Variants in UQCC1 observed in about 807,000 individuals in gnomAD.
UQCC1 encodes ubiquinol-cytochrome c reductase complex assembly factor 1.
In UQCC1, 38 loss-of-function variants were observed where a neutral mutation model predicts 48.0. That is an observed-to-expected ratio of 0.79 (90% CI 0.61 to 1.04). The LOEUF (loss-of-function observed/expected upper bound fraction) is 1.04. UQCC1 is among the 50% of genes least tolerant of loss of function. UQCC1 has a pLI of 0.00. For synonymous variants in UQCC1, 111 were observed against 129.2 expected (o/e 0.86, Z 0.95); for missense variants, 368 against 381.8 (o/e 0.96, Z 0.30).
At chr20:35,330,634 A>G (rs921738159) in intron 7 of UQCC1, among the ~76,000 whole-genome samples, 2 of 152,166 alleles carry the variant, frequency 1.3e-5, no homozygotes, top group Non-Finnish European at 2.9e-5. Flanking sequence ...TTTGTCCCCA[A>G]CTACCCTAGT....
intron 4 of UQCC1, among the ~76,000 whole-genome samples, chr20:35,377,917 G>T (rs569657213): frequency 6.6e-6 from 1 of 152,216 alleles, no homozygotes; most frequent in African/African-American, 2.4e-5. Flanking sequence ...GCATTTTATA[G>T]TTCTTCACTT....
Position 35,385,248 on chromosome 20 carries a change from C to A in UQCC1, c.130-1115G>T, listed in dbSNP as rs569858569. Among the ~76,000 whole-genome samples, 3 of 152,250 alleles carry A rather than the reference C, an allele frequency of 2.0e-5. No individual in the cohort carries two copies. In the East Asian group the frequency reaches 5.8e-4, roughly 29 times the overall value. Reference sequence around the variant, plus strand: ...AAGTGCCTTTCACAAAATAGGCACTCAATAAATAGCAGAAGTTTCCATCAT... The same window carrying A: ...AAGTGCCTTTCACAAAATAGGCACTAAATAAATAGCAGAAGTTTCCATCAT... On this transcript the variant is annotated intron_variant, in intron 2 of 9. Transcript: ENST00000374385.
At chr20:35,372,825 C>G (rs1011530556) in intron 5 of UQCC1, among the ~76,000 whole-genome samples, 1 of 152,176 alleles carries the variant, frequency 6.6e-6, no homozygotes, top group Admixed American at 6.5e-5. Context: ...GCCAAGATGG[C>G]ACCACTCCAC....
intron 9 of UQCC1, among the ~76,000 whole-genome samples, chr20:35,306,009 A>T (rs1180696746): frequency 6.6e-6 from 1 of 152,208 alleles, no homozygotes; most frequent in Non-Finnish European, 1.5e-5. Context: ...TCTATCAAGT[A>T]TGAGTTTCCC....
At chr20:35,380,826 G>C (rs1402368467) in intron 4 of UQCC1, among the ~76,000 whole-genome samples, 1 of 152,170 alleles carries the variant, frequency 6.6e-6, no homozygotes, top group Non-Finnish European at 1.5e-5. Context: ...GCAGTGTTTT[G>C]AATTTTGGAT....
chr20:35,321,281 T>C lies in UQCC1; in HGVS notation c.574-6516A>G, dbSNP rs73903047. Among the ~76,000 whole-genome samples, 326 of 138,962 alleles carry C rather than the reference T, an allele frequency of 2.3e-3. 1 individual carries two copies. The highest frequency in any genetic ancestry group is 9.1e-3 in the African/African-American group (301 of 33,060). 91.2% of individuals were successfully genotyped at this position (138,962 alleles called of 152,430 possible). A position where few individuals can be genotyped will look rare whatever the true frequency, so the allele number is the denominator to read the frequency against. On this transcript the variant is annotated intron_variant, in intron 7 of 9. Coordinates refer to ENST00000374385, the MANE Select transcript of UQCC1 (RefSeq NM_018244.5). Reference sequence around the variant, plus strand: ...GTGTGTGTGTGTGTGTGTGTGTGTGTGTGCGCGCGCGCGCGCGCACGCTCA... The same window carrying C: ...GTGTGTGTGTGTGTGTGTGTGTGTGCGTGCGCGCGCGCGCGCGCACGCTCA...
At chr20:35,383,233 T>C (rs1354190639) in intron 3 of UQCC1, among the ~76,000 whole-genome samples, 1 of 152,226 alleles carries the variant, frequency 6.6e-6, no homozygotes, top group Non-Finnish European at 1.5e-5. Context: ...AAGGAAAGTC[T>C]GTTCTAATGT....
intron 1 of UQCC1, among the ~76,000 whole-genome samples, chr20:35,402,450 C>T (rs2062178484): frequency 1.3e-5 from 2 of 151,696 alleles, no homozygotes; most frequent in African/African-American, 4.8e-5. Flanking sequence ...TGGTGGTGGG[C>T]GCCTGTAGTC....
chr20:35,313,677 A>T (rs1014037332), intron 8 of UQCC1, among the ~76,000 whole-genome samples: 1 of 151,766 alleles, frequency 6.6e-6, no homozygotes, highest in Non-Finnish European at 1.5e-5. Context: ...GCAGTGGCGC[A>T]ATCTCAGCTC....
intron 7 of UQCC1, among the ~76,000 whole-genome samples, chr20:35,339,068 T>C (rs546558460): frequency 3.2e-4 from 49 of 150,836 alleles, no homozygotes; most frequent in Non-Finnish European, 6.5e-4. Flanking sequence ...AGGGAACCCA[T>C]GAGGCAGGGC....
intron 5 of UQCC1, among the ~76,000 whole-genome samples, chr20:35,371,290 G>C (rs1237539291): frequency 6.6e-6 from 1 of 150,640 alleles, no homozygotes; most frequent in Non-Finnish European, 1.5e-5. Flanking sequence ...GTTATTTATT[G>C]AATCAAATAT....
intron 1 of UQCC1, among the ~76,000 whole-genome samples, chr20:35,400,210 GC>G (rs2062142966): frequency 6.6e-6 from 1 of 152,026 alleles, no homozygotes; most frequent in South Asian, 2.1e-4. Flanking sequence ...ACAGGCATGA[GC>G]CACCGTGTCG....
At chr20:35,309,371 T>A (rs1288893645) in intron 8 of UQCC1, among the ~76,000 whole-genome samples, 1 of 151,772 alleles carries the variant, frequency 6.6e-6, no homozygotes, top group Non-Finnish European at 1.5e-5. Context: ...AGGTTGAGGA[T>A]ACAGTGAGCT....
intron 4 of UQCC1, among the ~76,000 whole-genome samples, chr20:35,375,947 TAAAAAAAA>T (rs11367331): frequency 1.5e-5 from 1 of 64,734 alleles, no homozygotes; most frequent in African/African-American, 6.7e-5. Context: ...GGACCTTGCC[TAAAAAAAA>T]AAAAAAAAAA....
At position 35,386,263 on chromosome 20, in the gene UQCC1, T is replaced by G. The variant is rs932018299; in HGVS notation, c.130-2130A>C. On this transcript the variant is annotated intron_variant, in intron 2 of 9. Coordinates refer to ENST00000374385, the MANE Select transcript of UQCC1 (RefSeq NM_018244.5). ...AAAAATCTAGTTTCCAAACTCTCAC[T>G]AATGCTATATTACCTTTACAATAAA... 7.2e-6 allele frequency: 3 copies of G among 415,816 alleles called. No individual in the cohort carries two copies. The Admixed American group carries it at 9.8e-5, about 14-fold the overall frequency. The allele number at this position is 415,816 out of a possible 1,614,324, so 25.8% of individuals were successfully genotyped here.
chr20:35,392,221 C>A (rs907373927), intron 2 of UQCC1: 2 of 1,303,642 alleles, frequency 1.5e-6, no homozygotes, highest in Non-Finnish European at 2.0e-6. Context: ...ATCTTCCTCC[C>A]TGTGAGACAT....
Position 35,314,771 on chromosome 20 carries a change from G to T in UQCC1, c.574-6C>A. 1 of 1,577,896 alleles carries T rather than the reference G, an allele frequency of 6.3e-7. No homozygotes were observed. The highest frequency in any genetic ancestry group is 8.7e-7 in the Non-Finnish European group (1 of 1,154,102). On this transcript the variant is annotated splice_polypyrimidine_tract_variant and splice_region_variant and intron_variant, in intron 7 of 9. Transcript: ENST00000374385. ...TTCAGGATATAGGGATTAACCTACA[G>T]AAACAAATGGCAAAAACAAAAGTTT...
At chr20:35,384,966 C>CAAAA (rs57141083) in intron 2 of UQCC1, among the ~76,000 whole-genome samples, 16 of 69,746 alleles carry the variant, frequency 2.3e-4, no homozygotes, top group African/African-American at 8.8e-4. Flanking sequence ...GAATCGGTCT[C>CAAAA]AAAAAAAAAA....
intron 7 of UQCC1, among the ~76,000 whole-genome samples, chr20:35,320,914 A>C (rs181489467): frequency 7.2e-4 from 110 of 152,374 alleles, no homozygotes; most frequent in African/African-American, 2.5e-3. Context: ...ATAAGGCAAC[A>C]ATGCAACACA....
Sources: allele counts gnomAD v4.1 joint callset (sites outside exome capture counted in the v4.1 genomes callset), GRCh38; gene constraint gnomAD v4.1.1; transcripts MANE v1.5; gene names NCBI Gene and HGNC (gene_info 2026-07-23, HGNC 2026-07-21).